The following MTCL3 variants were observed in gnomAD, a reference collection of about 807,000 sequenced individuals.
MTCL3 encodes MTCL family member 3.
chr6:127,505,528 G>A, the MTCL3 span, among the ~76,000 whole-genome samples: 7 of 152,286 alleles, frequency 4.6e-5, no homozygotes, highest in African/African-American at 7.2e-5. Flanking sequence ...AGGATGGAGC[G>A]TGGGAGGAGG....
At chr6:127,512,643 GACACAGAGATGAA>G in the MTCL3 span, among the ~76,000 whole-genome samples, 1 of 152,124 alleles carries the variant, frequency 6.6e-6, no homozygotes, top group African/African-American at 2.4e-5. Flanking sequence ...ACATTTAGAA[GACACAGAGATGAA>G]ACACAGAGAT....
chr6:127,514,528 G>C, the MTCL3 span, among the ~76,000 whole-genome samples: 1 of 152,226 alleles, frequency 6.6e-6, no homozygotes, highest in South Asian at 2.1e-4. Context: ...CCACGCCCTT[G>C]CTTCTGCCCA....
At chr6:127,480,590 A>T in the MTCL3 span, among the ~76,000 whole-genome samples, 2 of 152,220 alleles carry the variant, frequency 1.3e-5, no homozygotes, top group Non-Finnish European at 2.9e-5. Context: ...AAAAGGAGAC[A>T]TGGGAGTATT....
the MTCL3 span, chr6:127,514,764 T>G: frequency 6.9e-7 from 1 of 1,444,734 alleles, no homozygotes; most frequent in Non-Finnish European, 9.5e-7. Flanking sequence ...AAAGAGCCCT[T>G]GGCCAAAGTC....
At chr6:127,494,293 C>T in the MTCL3 span, among the ~76,000 whole-genome samples, 4 of 152,002 alleles carry the variant, frequency 2.6e-5, no homozygotes, top group South Asian at 4.1e-4. Context: ...TTAGGTACAT[C>T]AGAAACTTAG....
At chr6:127,514,773 T>TC in the MTCL3 span, 1 of 1,515,240 alleles carries the variant, frequency 6.6e-7, no homozygotes, top group Non-Finnish European at 9.0e-7. Context: ...TTGGCCAAAG[T>TC]CCCCACCCAC....
chr6:127,476,134 G>A, the MTCL3 span: 1 of 1,614,150 alleles, frequency 6.2e-7, no homozygotes, highest in African/African-American at 1.3e-5. The surrounding 1 kb of genome is among the most constrained non-coding windows in gnomAD (Gnocchi z 4.4). Flanking sequence ...GAGCGGGTTG[G>A]CCGAGCCGTT....
chr6:127,497,093 T>G, the MTCL3 span, among the ~76,000 whole-genome samples: 1 of 152,224 alleles, frequency 6.6e-6, no homozygotes, highest in East Asian at 1.9e-4. Context: ...GTACTAAAAC[T>G]GATTTATAGT....
chr6:127,516,443 G>C, the MTCL3 span: 5 of 1,599,878 alleles, frequency 3.1e-6, no homozygotes, highest in Non-Finnish European at 4.2e-6. Context: ...ACTGGGGACC[G>C]GGTGGCCGCG....
chr6:127,508,872 C>G, the MTCL3 span, among the ~76,000 whole-genome samples: 2,083 of 152,296 alleles, frequency 0.014, 18 homozygotes, highest in Non-Finnish European at 0.021. Context: ...TCATGACAGG[C>G]AGTGATCCTC....
the MTCL3 span, chr6:127,476,545 C>T: frequency 1.0e-5 from 12 of 1,185,686 alleles, no homozygotes; most frequent in South Asian, 1.8e-4. This position sits in a 1 kb window ranked among gnomAD's most constrained non-coding sequence, Gnocchi z 4.4. Context: ...AAGAGGACAC[C>T]TGGATAAATA....
At chr6:127,506,410 A>G in the MTCL3 span, among the ~76,000 whole-genome samples, 13 of 152,170 alleles carry the variant, frequency 8.5e-5, no homozygotes, top group Admixed American at 8.5e-4. Context: ...GAATTCTTTC[A>G]ATATTTGGTC....
chr6:127,509,965 C>A, the MTCL3 span, among the ~76,000 whole-genome samples: 3 of 152,116 alleles, frequency 2.0e-5, no homozygotes, highest in Non-Finnish European at 4.4e-5. Flanking sequence ...GAAGGTCAAC[C>A]TCAAATGGAT....
chr6:127,509,641 C>T, the MTCL3 span, among the ~76,000 whole-genome samples: 3 of 152,116 alleles, frequency 2.0e-5, no homozygotes, highest in African/African-American at 7.2e-5. Flanking sequence ...AAAAAAATGA[C>T]ACGAAGGGAT....
the MTCL3 span, among the ~76,000 whole-genome samples, chr6:127,514,119 A>G: frequency 3.3e-5 from 5 of 152,242 alleles, no homozygotes; most frequent in African/African-American, 4.8e-5. Flanking sequence ...CCTACAGTCA[A>G]ACTGAACTGG....
At chr6:127,513,923 A>C in the MTCL3 span, among the ~76,000 whole-genome samples, 1 of 152,234 alleles carries the variant, frequency 6.6e-6, no homozygotes, top group African/African-American at 2.4e-5. Flanking sequence ...AGTACATACT[A>C]AGCACTCGAC....
At chr6:127,483,051 G>A in the MTCL3 span, 1 of 1,327,116 alleles carries the variant, frequency 7.5e-7, no homozygotes, top group South Asian at 1.4e-5. Flanking sequence ...ATGTTTTTAA[G>A]TATTCTAGTC....
At chr6:127,516,703 C>T in the MTCL3 span, 15 of 1,502,138 alleles carry the variant, frequency 1.0e-5, no homozygotes, top group African/African-American at 1.4e-5. Context: ...CCTTCCTAAG[C>T]TGGGACAGAA....
chr6:127,474,668 G>T, the MTCL3 span, among the ~76,000 whole-genome samples: 1 of 151,748 alleles, frequency 6.6e-6, no homozygotes, highest in Non-Finnish European at 1.5e-5. Context: ...GCCTCGACCT[G>T]CCTGGGCTCA....
Sources: allele counts gnomAD v4.1 joint callset (sites outside exome capture counted in the v4.1 genomes callset), GRCh38; gene constraint gnomAD v4.1.1; non-coding constraint Gnocchi (gnomAD v3.1); transcripts MANE v1.5; gene names NCBI Gene and HGNC (gene_info 2026-07-23, HGNC 2026-07-21).